The following CA10 variants were observed in gnomAD, a reference collection of about 807,000 sequenced individuals.
The protein encoded by CA10 is carbonic anhydrase-related protein 10.
A neutral mutation model predicts 44.2 loss-of-function variants in CA10; 14 were observed. That is an observed-to-expected ratio of 0.32 (90% confidence interval 0.21 to 0.50). CA10 has a LOEUF of 0.50. Among genes scored for constraint, CA10 ranks in the 20% least tolerant of loss-of-function variants. CA10 has a pLI of 0.99. For missense variants in CA10, 350 were observed against 409.7 expected (o/e 0.85, Z 1.26); for synonymous variants, 159 against 141.6 (o/e 1.12, Z -0.87).
intron 3 of CA10, among the ~76,000 whole-genome samples, chr17:51,822,907 A>T (rs1907867273): frequency 6.6e-6 from 1 of 152,148 alleles, no homozygotes; most frequent in African/African-American, 2.4e-5. Context: ...TCTAGATGGA[A>T]TGACAGCCAG....
chr17:52,073,743 G>A (rs546649019), intron 1 of CA10, among the ~76,000 whole-genome samples: 14 of 152,244 alleles, frequency 9.2e-5, no homozygotes, highest in African/African-American at 3.1e-4. Flanking sequence ...GGAAGATCCC[G>A]AGGTCAGCTG....
chr17:52,132,831 T>C (rs1278459147), intron 1 of CA10, among the ~76,000 whole-genome samples: 1 of 152,056 alleles, frequency 6.6e-6, no homozygotes, highest in African/African-American at 2.4e-5. Flanking sequence ...GGGTACAAAC[T>C]GGGGACTTGG....
Position 52,157,779 on chromosome 17 carries a change from A to T in CA10, c.8T>A (p.Ile3Lys). 1 of 1,613,622 alleles carries T rather than the reference A, an allele frequency of 6.2e-7. No homozygotes were observed. The highest frequency in any genetic ancestry group is 8.5e-7 in the Non-Finnish European group (1 of 1,179,700). ...AAGAAGAAAAAGCACCTCCCAGACT[A>T]TTTCCATCCTCTGATTCTCATTCCA... ME[I>K]VWEVLFLLQA... The change falls in exon 1 of 9, where the codon ATA (isoleucine) becomes AAA (lysine). Residue 3 changes from isoleucine to lysine, a missense_variant. Ile to Lys is a moderately radical substitution (Grantham distance 102). Transcript: ENST00000451037.
At chr17:51,760,214 G>C (rs1905181545) in intron 3 of CA10, among the ~76,000 whole-genome samples, 1 of 152,208 alleles carries the variant, frequency 6.6e-6, no homozygotes, top group African/African-American at 2.4e-5. Flanking sequence ...CAGAATCCTT[G>C]ATGCCAGTTT....
chr17:51,947,929 A>G (rs551501657), intron 2 of CA10, among the ~76,000 whole-genome samples: 1 of 152,230 alleles, frequency 6.6e-6, no homozygotes, highest in African/African-American at 2.4e-5. Context: ...AAGGCTCAAA[A>G]AATTCAAGGA....
chr17:51,657,443 C>G (rs1489704412), intron 4 of CA10, among the ~76,000 whole-genome samples: 1 of 152,182 alleles, frequency 6.6e-6, no homozygotes, highest in African/African-American at 2.4e-5. Flanking sequence ...ACCCAATACC[C>G]ACTAACCACT....
At chr17:52,150,369 G>A (rs974881418) in intron 1 of CA10, among the ~76,000 whole-genome samples, 7 of 152,044 alleles carry the variant, frequency 4.6e-5, no homozygotes, top group African/African-American at 1.7e-4. Flanking sequence ...ATCACATTCT[G>A]CTGTGACTAC....
chr17:52,063,032 A>C (rs1987432036), intron 2 of CA10, among the ~76,000 whole-genome samples: 1 of 152,234 alleles, frequency 6.6e-6, no homozygotes, highest in South Asian at 2.1e-4. Context: ...TTGGGAGCCC[A>C]CTTCTCATAT....
chr17:51,874,640 A>AAAAC (rs1469396134), intron 3 of CA10, among the ~76,000 whole-genome samples: 1 of 152,192 alleles, frequency 6.6e-6, no homozygotes, highest in Non-Finnish European at 1.5e-5. Context: ...AAATGTACTG[A>AAAAC]AAACATTGAT....
intron 6 of CA10, among the ~76,000 whole-genome samples, chr17:51,642,732 T>C (rs915182683): frequency 5.3e-5 from 8 of 152,118 alleles, no homozygotes; most frequent in Admixed American, 2.0e-4. Context: ...AACCTCCGCC[T>C]CCCAAGTTTC....
intron 3 of CA10, among the ~76,000 whole-genome samples, chr17:51,852,385 C>A (rs2143825610): frequency 6.6e-6 from 1 of 152,242 alleles, no homozygotes; most frequent in South Asian, 2.1e-4. Context: ...CATTAATTTT[C>A]TGAAATATTT....
intron 2 of CA10, among the ~76,000 whole-genome samples, chr17:52,005,334 A>G (rs1018785995): frequency 2.0e-5 from 3 of 151,966 alleles, no homozygotes; most frequent in African/African-American, 7.2e-5. Flanking sequence ...TCTTTAAAGA[A>G]ACTTTTAATC....
rs1983758513 is a variant in CA10 at position 51,958,681 on chromosome 17, C to T, written c.137-27549G>A. 3.3e-5 allele frequency among the ~76,000 whole-genome samples: 5 copies of T among 152,000 alleles called. No homozygotes were observed. The South Asian group carries it at 1.0e-3, about 32-fold the overall frequency. ...AATTTACAGGAAAAGAGAAATATAC[C>T]TTAGCAAGGCAGGCTAAGGAAAATT... On this transcript the variant is annotated intron_variant, in intron 2 of 8. Coordinates refer to ENST00000451037, the MANE Select transcript of CA10 (RefSeq NM_020178.5).
intron 1 of CA10, among the ~76,000 whole-genome samples, chr17:52,115,360 A>G (rs1988870846): frequency 6.6e-6 from 1 of 152,186 alleles, no homozygotes; most frequent in Admixed American, 6.5e-5. Context: ...TTGGTGGCCC[A>G]TATGGGGACC....
At position 51,970,094 on chromosome 17, in the gene CA10, A is replaced by C. The variant is rs1288440219; in HGVS notation, c.137-38962T>G. Among the ~76,000 whole-genome samples, 3 of 152,010 alleles carry C rather than the reference A, an allele frequency of 2.0e-5. No homozygotes were observed. The East Asian group carries it at 5.8e-4, about 29-fold the overall frequency. ...CAGGCCAATGTAGATTTTTACTCCAAATAGAATTTTCATAGCCTCTTTAAT... is the reference window on the plus strand; with the variant it reads ...CAGGCCAATGTAGATTTTTACTCCACATAGAATTTTCATAGCCTCTTTAAT... On this transcript the variant is annotated intron_variant, in intron 2 of 8. Coordinates refer to ENST00000451037, the MANE Select transcript of CA10 (RefSeq NM_020178.5).
At chr17:51,929,920 G>T (rs1004082865) in intron 3 of CA10, among the ~76,000 whole-genome samples, 1 of 152,032 alleles carries the variant, frequency 6.6e-6, no homozygotes, top group South Asian at 2.1e-4. Context: ...AAATGGTGTC[G>T]ACCACATGCA....
At chr17:51,797,714 C>T (rs1167075928) in intron 3 of CA10, among the ~76,000 whole-genome samples, 1 of 151,914 alleles carries the variant, frequency 6.6e-6, no homozygotes, top group Non-Finnish European at 1.5e-5. Flanking sequence ...ATTAGCCGGG[C>T]ATGGTGGCAT....
chr17:51,865,083 T>C (rs1979484771), intron 3 of CA10, among the ~76,000 whole-genome samples: 1 of 152,078 alleles, frequency 6.6e-6, no homozygotes. Flanking sequence ...GGTCCTTTAA[T>C]TCAAAAAAAT....
chr17:51,702,425 A>G (rs1915632076), intron 4 of CA10, among the ~76,000 whole-genome samples: 1 of 152,186 alleles, frequency 6.6e-6, no homozygotes, highest in Admixed American at 6.5e-5. Flanking sequence ...AAGATAGCCA[A>G]TAGAAGGCTG....
Sources: gnomAD v4.1 joint callset for allele counts (sites outside exome capture counted in the v4.1 genomes callset) on GRCh38, gnomAD v4.1.1 for gene constraint, MANE v1.5 for transcripts, NCBI Gene and HGNC (gene_info 2026-07-23, HGNC 2026-07-21) for gene names.